The following ZFHX3 variants were observed in gnomAD, a reference collection of about 807,000 sequenced individuals.
ZFHX3 encodes zinc finger homeobox 3, also known as zinc finger homeobox protein 3.
Under a neutral mutation model 279.1 loss-of-function variants are expected in ZFHX3, and 42 were observed. The ratio of observed to expected loss-of-function variants is 0.15; its 90% CI spans 0.12 to 0.19. The LOEUF is 0.19. Among genes scored for constraint, ZFHX3 ranks in the 10% least tolerant of loss-of-function variants. ZFHX3 has a pLI of 1.00. For synonymous variants in ZFHX3, 2,293 were observed against 1,957.8 expected (o/e 1.17, Z -4.52); for missense variants, 4,981 against 4,754.0 (o/e 1.05, Z -1.40).
intron 4 of ZFHX3, among the ~76,000 whole-genome samples, chr16:73,308,261 ATATATATATATATATATT>A (rs1278313498): frequency 0.039 from 811 of 20,712 alleles, 16 homozygotes; most frequent in Admixed American, 0.098. Flanking sequence ...ATATATATAT[ATATATATATATATATATT>A]TATTTATTTA....
chr16:73,694,380 G>C (rs2053176220), intron 1 of ZFHX3, among the ~76,000 whole-genome samples: 1 of 151,936 alleles, frequency 6.6e-6, no homozygotes, highest in African/African-American at 2.4e-5. Flanking sequence ...GTCTTGCTCT[G>C]TCGCCCAGGC....
In ZFHX3 at chr16:73,377,529, G is replaced by T. The variant is rs955489391; in HGVS notation, c.-1290-59193C>A. ...GTGGTATTGGAAATCAATGTGTAAA[G>T]ATGAGCACCACTGTCTCTGCACATC... On this transcript the variant is annotated intron_variant, in intron 3 of 17. Transcript: ENST00000641206. 3.3e-5 allele frequency among the ~76,000 whole-genome samples: 5 copies of T among 152,014 alleles called. No individual in the cohort carries two copies. The East Asian group carries it at 5.8e-4, about 18-fold the overall frequency.
intron 3 of ZFHX3, among the ~76,000 whole-genome samples, chr16:72,909,544 C>G (rs1597369424): frequency 6.6e-6 from 1 of 152,154 alleles, no homozygotes; most frequent in African/African-American, 2.4e-5. Context: ...CTTAAACACA[C>G]TCTTTGATAA....
rs1440677804 is a variant in ZFHX3 at position 72,879,273 on chromosome 16, T to G, written c.3448+10458A>C. 5.3e-5 allele frequency among the ~76,000 whole-genome samples: 8 copies of G among 152,196 alleles called. No homozygotes were observed. The East Asian group carries it at 1.5e-3, about 29-fold the overall frequency. On this transcript the variant is annotated intron_variant, in intron 4 of 9. Coordinates refer to ENST00000268489, the MANE Select transcript of ZFHX3 (RefSeq NM_006885.4). ...TTGGATGGAAGTCCAGTCAATCAGCTGGCCCCCTATTGAATTCTATACCCT... is the reference window on the plus strand; with the variant it reads ...TTGGATGGAAGTCCAGTCAATCAGCGGGCCCCCTATTGAATTCTATACCCT...
At chr16:73,647,059 G>A (rs900316850) in intron 2 of ZFHX3, among the ~76,000 whole-genome samples, 17 of 150,088 alleles carry the variant, frequency 1.1e-4, no homozygotes, top group East Asian at 2.0e-4. Flanking sequence ...CTGTTGCCAG[G>A]TTGGAGTGTG....
rs563241302 is a variant in ZFHX3 at position 73,294,266 on chromosome 16, T to G, written c.-1194+23974A>C. ...CTGGAAGGTGGGTGTCATCGGTTTC[T>G]TAGCCTAGAAGGTTGAGAACCACAT... On this transcript the variant is annotated intron_variant, in intron 4 of 17. Transcript: ENST00000641206. The G allele has an allele frequency of 2.0e-5, 3 of 152,328 alleles. No individual in the cohort carries two copies. In the South Asian group the frequency reaches 6.2e-4, roughly 32 times the overall value. 9.4% of individuals were successfully genotyped at this position (152,328 alleles called of 1,614,324 possible).
chr16:72,992,804 G>A (rs1040326564), intron 1 of ZFHX3, among the ~76,000 whole-genome samples: 2 of 152,226 alleles, frequency 1.3e-5, no homozygotes, highest in Non-Finnish European at 2.9e-5. Context: ...CATTCCAGCC[G>A]CGGAAGGAAG....
At chr16:73,145,989 C>A (rs1020483716) in intron 5 of ZFHX3, among the ~76,000 whole-genome samples, 8 of 152,138 alleles carry the variant, frequency 5.3e-5, no homozygotes, top group African/African-American at 1.9e-4. Flanking sequence ...ATTTCTTTAT[C>A]TACTGGTGGC....
intron 1 of ZFHX3, among the ~76,000 whole-genome samples, chr16:73,695,078 C>T (rs1421792355): frequency 6.6e-6 from 1 of 152,176 alleles, no homozygotes; most frequent in African/African-American, 2.4e-5. Context: ...CAAGGGATTA[C>T]AAAAGAGCTG....
At chr16:73,805,152 G>A (rs1027304567) in intron 1 of ZFHX3, among the ~76,000 whole-genome samples, 10 of 151,882 alleles carry the variant, frequency 6.6e-5, no homozygotes, top group South Asian at 4.2e-4. Context: ...TTATATATTC[G>A]TTATATTTTT....
At chr16:73,822,669 T>A (rs529801055) in intron 1 of ZFHX3, among the ~76,000 whole-genome samples, 49 of 152,214 alleles carry the variant, frequency 3.2e-4, no homozygotes, top group Non-Finnish European at 6.2e-4. Flanking sequence ...GCCTGGCAGT[T>A]GTAACTGAGT....
intron 2 of ZFHX3, among the ~76,000 whole-genome samples, chr16:73,493,163 C>T (rs558141936): frequency 1.3e-5 from 2 of 152,162 alleles, no homozygotes; most frequent in South Asian, 4.2e-4. Context: ...CTTGTGTCAC[C>T]TATTTTTTGC....
intron 2 of ZFHX3, among the ~76,000 whole-genome samples, chr16:73,531,714 CAAAAAAAA>C (rs34119200): frequency 1.7e-4 from 14 of 81,132 alleles, no homozygotes; most frequent in African/African-American, 5.3e-4. Context: ...AACCCTGTCT[CAAAAAAAA>C]AAAAAAAAAA....
intron 2 of ZFHX3, among the ~76,000 whole-genome samples, chr16:73,575,988 C>G (rs549061635): frequency 2.6e-5 from 4 of 152,260 alleles, no homozygotes; most frequent in Non-Finnish European, 4.4e-5. Flanking sequence ...AGCCAAGCCC[C>G]GTCTTTCTCC....
intron 3 of ZFHX3, among the ~76,000 whole-genome samples, chr16:72,948,839 C>G (rs2144384124): frequency 6.6e-6 from 1 of 152,314 alleles, no homozygotes; most frequent in East Asian, 1.9e-4. Context: ...GTTTTCTTGA[C>G]CACGTCGGCA....
chr16:73,301,278 A>G (rs1054319390), intron 4 of ZFHX3, among the ~76,000 whole-genome samples: 1 of 152,192 alleles, frequency 6.6e-6, no homozygotes, highest in Non-Finnish European at 1.5e-5. Flanking sequence ...AGAGGTGACT[A>G]TCATGTTTCT....
At chr16:73,109,026 C>G (rs1966339005) in intron 7 of ZFHX3, among the ~76,000 whole-genome samples, 1 of 152,194 alleles carries the variant, frequency 6.6e-6, no homozygotes, top group African/African-American at 2.4e-5. Flanking sequence ...GGAGGCATCC[C>G]TGTTGTTCCA....
chr16:73,529,143 G>A (rs2019748157), intron 2 of ZFHX3, among the ~76,000 whole-genome samples: 1 of 152,162 alleles, frequency 6.6e-6, no homozygotes. Flanking sequence ...GAAATACATT[G>A]AGGGCCTAAA....
chr16:73,370,824 A>G (rs755794561), intron 3 of ZFHX3, among the ~76,000 whole-genome samples: 1 of 152,184 alleles, frequency 6.6e-6, no homozygotes, highest in Non-Finnish European at 1.5e-5. Flanking sequence ...CACTGGCCAC[A>G]GGTCTGTCCT....
Sources: gnomAD v4.1 joint callset for allele counts (sites outside exome capture counted in the v4.1 genomes callset) on GRCh38, gnomAD v4.1.1 for gene constraint, MANE v1.5 for transcripts, NCBI Gene and HGNC (gene_info 2026-07-23, HGNC 2026-07-21) for gene names.